The following ACAT1 variants were observed in gnomAD, a reference collection of about 807,000 sequenced individuals.
ACAT1 encodes acetyl-CoA acetyltransferase 1, also known as acetyl-CoA acetyltransferase, mitochondrial.
A neutral mutation model predicts 47.3 loss-of-function variants in ACAT1; 28 were observed. The ratio of observed to expected loss-of-function variants is 0.59; its 90% confidence interval spans 0.44 to 0.81. The LOEUF is 0.81. Ranked by LOEUF, ACAT1 falls within the 30% of genes least tolerant of loss-of-function variation. The pLI, the probability that ACAT1 is intolerant of heterozygous loss-of-function variation, is 0.00. For synonymous variants in ACAT1, 181 were observed against 173.6 expected, an observed-to-expected ratio of 1.04 and a Z score of -0.34; for missense variants, 469 against 524.3, an observed-to-expected ratio of 0.89 and a Z score of 1.03.
intron 9 of ACAT1, 157 bp downstream of exon 9, chr11:108,142,707 T>C (rs908357895): frequency 4.2e-5 from 27 of 645,744 alleles, no homozygotes; most frequent in Non-Finnish European, 7.3e-5. Context: ...CATGGTGGCA[T>C]GTGCCTGTAC....
At chr11:108,133,540 AT>A (rs1375822241) in intron 2 of ACAT1, among the ~76,000 whole-genome samples, 1 of 152,208 alleles carries the variant, frequency 6.6e-6, no homozygotes, top group Non-Finnish European at 1.5e-5. Flanking sequence ...CATTTCTTGA[AT>A]TTTGACTGAG....
At chr11:108,141,807 T>TTTCTAG in intron 8 of ACAT1, 107 bp downstream of exon 8, 1 of 757,996 alleles carries the variant, frequency 1.3e-6, no homozygotes, top group South Asian at 1.5e-5. Context: ...ATCTAGATGT[T>TTTCTAG]ATTTAACATT....
At chr11:108,131,868 A>AT (rs2077366768) in intron 1 of ACAT1, 39 bp from the exon 2 acceptor site, 2 of 969,672 alleles carry the variant, frequency 2.1e-6, no homozygotes, top group African/African-American at 1.7e-5. Context: ...ATAGTTTAAT[A>AT]TTTTTTACAT....
At chr11:108,125,923 C>A (rs1197462654) in intron 1 of ACAT1, among the ~76,000 whole-genome samples, 6 of 140,156 alleles carry the variant, frequency 4.3e-5, no homozygotes, top group African/African-American at 1.1e-4. Context: ...GAGACTCCGT[C>A]TAAAAAAAAA....
chr11:108,130,578 G>A (rs1008315530), intron 1 of ACAT1, among the ~76,000 whole-genome samples: 8 of 151,948 alleles, frequency 5.3e-5, no homozygotes, highest in African/African-American at 1.7e-4. Flanking sequence ...ATTTCTAGTA[G>A]AGACGGGGTT....
intron 1 of ACAT1, 57 bp downstream of exon 1, chr11:108,121,735 C>G (rs1296617050): frequency 1.3e-6 from 2 of 1,527,956 alleles, no homozygotes. Flanking sequence ...GTCCCCGCCT[C>G]GGAAGCTTCC....
chr11:108,145,221 A>G (rs190448689), intron 10 of ACAT1, among the ~76,000 whole-genome samples: 1 of 152,358 alleles, frequency 6.6e-6, no homozygotes, highest in East Asian at 1.9e-4. Flanking sequence ...AACAGATCAT[A>G]TAGTGTAAGA....
At chr11:108,130,200 A>G (rs1591358751) in intron 1 of ACAT1, among the ~76,000 whole-genome samples, 1 of 151,606 alleles carries the variant, frequency 6.6e-6, no homozygotes, top group African/African-American at 2.4e-5. Context: ...CATCCAACTG[A>G]CCCAGTCTCT....
chr11:108,118,633 G>A (rs1324706210), upstream of ACAT1, among the ~76,000 whole-genome samples: 1 of 152,226 alleles, frequency 6.6e-6, no homozygotes. Context: ...GCCTCCTAAA[G>A]TGCTGGGATT....
intron 3 of ACAT1, 47 bp downstream of exon 3, chr11:108,133,984 A>G: frequency 6.6e-7 from 1 of 1,509,388 alleles, no homozygotes; most frequent in South Asian, 1.1e-5. Context: ...AAAAGATTCC[A>G]TGGAAAAGAT....
chr11:108,142,881 T>C (rs899118334), intron 9 of ACAT1: 4 of 272,468 alleles, frequency 1.5e-5, no homozygotes, highest in East Asian at 1.6e-4. Flanking sequence ...CTTCATGAAA[T>C]TGAGTTTACT....
chr11:108,147,185 CAAG>C, intron 11 of ACAT1, 82 bp from the exon 12 acceptor site: 1 of 1,523,698 alleles, frequency 6.6e-7, no homozygotes, highest in Non-Finnish European at 9.0e-7. Flanking sequence ...GTAAGGTTTT[CAAG>C]AAGTTAAATT....
In ACAT1 at chr11:108,142,323, T is replaced by C. The variant is rs1033859952; in HGVS notation, c.827-114T>C. 1.4e-5 allele frequency: 11 copies of C among 794,924 alleles called. No individual in the cohort carries two copies. In the African/African-American group the frequency reaches 1.9e-4, roughly 14 times the overall value. The allele number at this position is 794,924 out of a possible 1,614,324, so 49.2% of individuals were successfully genotyped here. A position where few individuals can be genotyped will look rare whatever the true frequency, so the allele number is the denominator to read the frequency against. Reference sequence around the variant, plus strand: ...TGAGGGCAGGAATTGTCTCCACCCATATTTGTAATTTCTTTAAACATTTAG... The same window carrying C: ...TGAGGGCAGGAATTGTCTCCACCCACATTTGTAATTTCTTTAAACATTTAG... On this transcript the variant is annotated intron_variant, in intron 8 of 11. Transcript: ENST00000265838.
intron 1 of ACAT1, among the ~76,000 whole-genome samples, chr11:108,124,413 G>A (rs1194904113): frequency 6.6e-6 from 1 of 152,068 alleles, no homozygotes; most frequent in African/African-American, 2.4e-5. Context: ...ACAGGCATGT[G>A]CCACCACACC....
chr11:108,140,126 A>G lies in ACAT1; in HGVS notation c.641A>G (p.Tyr214Cys). 1 of 1,614,172 alleles carries G rather than the reference A, an allele frequency of 6.2e-7. No individual in the cohort carries two copies. Among genetic ancestry groups the G allele is most frequent in the Non-Finnish European group, 8.5e-7 (1 of 1,180,006 alleles). Residue 214 changes from tyrosine (Y) to cysteine (C), a missense_variant, in exon 7 of 12, where the codon TAT becomes TGT. Physicochemically the swap from Tyr to Cys is radical, Grantham distance 194 (BLOSUM62 -2). Coordinates refer to ENST00000265838, the MANE Select transcript of ACAT1 (RefSeq NM_000019.4). Reference sequence around the variant, plus strand: ...ATTGCACGAAATGAACAGGACGCTTATGCTATTAATTCTTATACCAGAAGT... The same window carrying G: ...ATTGCACGAAATGAACAGGACGCTTGTGCTATTAATTCTTATACCAGAAGT... ...LNIARNEQDA[Y>C]AINSYTRSKA... is the part of the protein sequence containing the mutation.
At chr11:108,123,173 G>A (rs1046321222) in intron 1 of ACAT1, among the ~76,000 whole-genome samples, 2 of 151,958 alleles carry the variant, frequency 1.3e-5, no homozygotes, top group Admixed American at 1.3e-4. Flanking sequence ...AGGAGGGGAA[G>A]GTTGCAGTGA....
chr11:108,118,243 T>C (rs933869174), upstream of ACAT1, among the ~76,000 whole-genome samples: 8 of 152,158 alleles, frequency 5.3e-5, no homozygotes, highest in African/African-American at 1.9e-4. Context: ...AGTGAGAACC[T>C]GTGTCTACCA....
Position 108,123,615 on chromosome 11 carries a change from ACT to A in ACAT1, c.72+1942_72+1943del, listed in dbSNP as rs557378088. Among the ~76,000 whole-genome samples, 14 of 151,970 alleles carry A rather than the reference ACT, an allele frequency of 9.2e-5. No individual in the cohort carries two copies. The East Asian group carries it at 2.7e-3, about 29-fold the overall frequency. On this transcript the variant is annotated intron_variant, in intron 1 of 11. Transcript: ENST00000265838. ...TGTATTCTGCATCTATTTCTCCTTA[ACT>A]CTCTGCAGTTAAATTTCTTTGCCAC...
chr11:108,138,576 T>C lies in ACAT1; in HGVS notation c.436-322T>C, dbSNP rs140937719. ...CACACCCAGCTAATTTTTGTATTTT[T>C]AGTAGAGACGGGGTTTCACCATGTT... On this transcript the variant is annotated intron_variant, in intron 5 of 11. Coordinates refer to ENST00000265838, the MANE Select transcript of ACAT1 (RefSeq NM_000019.4). The C allele has an allele frequency of 9.6e-3, 3,310 of 343,750 alleles. 236 individuals carry two copies. In the Admixed American group the frequency reaches 0.12, roughly 12 times the overall value. 21.3% of individuals were successfully genotyped at this position (343,750 alleles called of 1,614,324 possible). A position where few individuals can be genotyped will look rare whatever the true frequency, so the allele number is the denominator to read the frequency against.
Sources: allele counts gnomAD v4.1 joint callset (sites outside exome capture counted in the v4.1 genomes callset), GRCh38; gene constraint gnomAD v4.1.1; transcripts MANE v1.5; gene names NCBI Gene and HGNC (gene_info 2026-07-23, HGNC 2026-07-21).